ATP1B3: variants seen among roughly 807,000 people sequenced by gnomAD.
The protein encoded by ATP1B3 is ATPase Na+/K+ transporting subunit beta 3.
ATP1B3 carries 10 observed loss-of-function variants against 30.2 expected under a neutral mutation model. That is an observed-to-expected ratio of 0.33 (90% CI 0.20 to 0.56). ATP1B3 has a LOEUF of 0.56. ATP1B3 is among the 20% of genes least tolerant of loss of function. ATP1B3 has a pLI of 0.90. For synonymous variants in ATP1B3, 113 were observed against 117.0 expected (o/e 0.97, Z 0.22); for missense variants, 238 against 336.7 (o/e 0.71, Z 2.29).
chr3:141,904,152 A>C (rs1248297674), intron 2 of ATP1B3, among the ~76,000 whole-genome samples: 1 of 152,232 alleles, frequency 6.6e-6, no homozygotes, highest in Non-Finnish European at 1.5e-5. Context: ...TATATAGCAG[A>C]TAGAAGATAG....
chr3:141,913,055 T>C (rs1934393205), intron 3 of ATP1B3, among the ~76,000 whole-genome samples: 1 of 152,216 alleles, frequency 6.6e-6, no homozygotes, highest in Non-Finnish European at 1.5e-5. Flanking sequence ...AATTGATGTT[T>C]GGCAAAACAC....
Position 141,925,693 on chromosome 3 carries a change from C to G in ATP1B3, c.832C>G (p.Arg278Gly), listed in dbSNP as rs776768417. 1 of 1,610,762 alleles carries G rather than the reference C, an allele frequency of 6.2e-7. No individual in the cohort carries two copies. Among genetic ancestry groups the G allele is most frequent in the East Asian group, 2.2e-5 (1 of 44,890 alleles). The change falls in exon 7 of 7, where the codon CGT (arginine) becomes GGT (glycine). Residue 278 changes from arginine (R) to glycine (G), a missense_variant. Arg to Gly is a moderately radical substitution (Grantham distance 125). Coordinates refer to ENST00000286371, the MANE Select transcript of ATP1B3 (RefSeq NM_001679.4). ...ACGAGTTATGTTCAAAATCACAGCA[C>G]GTGCATAGTATGAGTAGGATATCTC... is the stretch of plus-strand genomic sequence containing the variant. ...LGRVMFKITA[R>G]A
chr3:141,895,262 C>T (rs1384349931), intron 1 of ATP1B3, among the ~76,000 whole-genome samples: 5 of 149,428 alleles, frequency 3.3e-5, no homozygotes, highest in South Asian at 2.1e-4. Context: ...GATCTCAGCT[C>T]GCTGCAACCT....
At chr3:141,919,147 A>G (rs968209605) in intron 5 of ATP1B3, 1 of 152,170 alleles carries the variant, frequency 6.6e-6, no homozygotes, top group Non-Finnish European at 1.5e-5. Flanking sequence ...CGTTCTTTAA[A>G]TTCTTTAGTT....
chr3:141,903,567 C>T (rs1934206612), intron 1 of ATP1B3, 53 bp from the exon 2 acceptor site: 1 of 1,603,686 alleles, frequency 6.2e-7, no homozygotes, highest in East Asian at 2.2e-5. Context: ...GCCAAACATG[C>T]ATACACACAC....
chr3:141,876,987 A>T (rs1418063001), intron 1 of ATP1B3, 77 bp downstream of exon 1: 3 of 1,145,454 alleles, frequency 2.6e-6, no homozygotes, highest in Non-Finnish European at 3.5e-6. Flanking sequence ...GGGAACGGAA[A>T]GGCGGGAGGC....
chr3:141,899,729 TGTG>T (rs1934126941), intron 1 of ATP1B3, among the ~76,000 whole-genome samples: 1 of 152,064 alleles, frequency 6.6e-6, no homozygotes, highest in Non-Finnish European at 1.5e-5. Context: ...ATTAGCCAGG[TGTG>T]GTGACACATG....
intron 5 of ATP1B3, among the ~76,000 whole-genome samples, chr3:141,917,196 C>T (rs562310118): frequency 1.3e-5 from 2 of 152,036 alleles, no homozygotes; most frequent in Non-Finnish European, 2.9e-5. Context: ...GATGCTGATG[C>T]TGCTGGTCTG....
chr3:141,915,788 C>T (rs555978909), intron 4 of ATP1B3, among the ~76,000 whole-genome samples, 182 bp from the exon 5 acceptor site: 1 of 152,134 alleles, frequency 6.6e-6, no homozygotes, highest in South Asian at 2.1e-4. Context: ...TATCTGATTG[C>T]TGAAGTTATT....
At chr3:141,886,686 C>G (rs180928346) in intron 1 of ATP1B3, among the ~76,000 whole-genome samples, 2 of 152,122 alleles carry the variant, frequency 1.3e-5, no homozygotes, top group African/African-American at 2.4e-5. Flanking sequence ...GATCTCTTAG[C>G]CTTGTTTCCT....
intron 1 of ATP1B3, among the ~76,000 whole-genome samples, chr3:141,892,611 C>T (rs1933975729): frequency 7.9e-6 from 1 of 126,270 alleles, no homozygotes. Flanking sequence ...AAGTGGAGAT[C>T]GAGCCACTGC....
At chr3:141,925,415 C>A in intron 6 of ATP1B3, 116 bp from the exon 7 acceptor site, 1 of 1,120,700 alleles carries the variant, frequency 8.9e-7, no homozygotes, top group Non-Finnish European at 1.3e-6. Context: ...CACCACTGCA[C>A]TGCAGCCTGG....
chr3:141,925,578 T>C lies in ATP1B3; in HGVS notation c.717T>C (p.Pro239=), dbSNP rs765584921. ...TTGCTGTTCAGGTCAGCTTTGCTCC[T>C]AACAACACTGGGAAAGAAGTAACAG... ...PLVAVQVSFA[P]NNTGKEVTVE... Residue 239 remains proline (P), a synonymous_variant, in exon 7 of 7, where the codon CCT becomes CCC. Transcript: ENST00000286371. 1.2e-6 allele frequency: 2 copies of C among 1,613,754 alleles called. No individual in the cohort carries two copies. The highest frequency in any genetic ancestry group is 1.7e-5 in the Admixed American group (1 of 59,972).
In ATP1B3 at chr3:141,906,018, GTAATACATATA is replaced by G. The variant is rs559941264; in HGVS notation, c.239-1143_239-1133del. ...CTTATTTAATATATCACATGTACAT[GTAATACATATA>G]TAATATGTATTTATGTGTTGTATAT... is the stretch of plus-strand genomic sequence containing the variant. On this transcript the variant is annotated intron_variant, in intron 2 of 6. Transcript: ENST00000286371. Among the ~76,000 whole-genome samples the G allele has an allele frequency of 4.5e-4, 67 of 147,664 alleles. 2 individuals are homozygous for G. In the South Asian group the frequency reaches 0.015, roughly 32 times the overall value.
intron 1 of ATP1B3, among the ~76,000 whole-genome samples, chr3:141,879,160 TA>T (rs1559863205): frequency 6.6e-6 from 1 of 152,228 alleles, no homozygotes; most frequent in Non-Finnish European, 1.5e-5. Context: ...ACATTTTTTT[TA>T]AAACAAAAGG....
intron 2 of ATP1B3, among the ~76,000 whole-genome samples, chr3:141,904,622 A>T (rs1378355247): frequency 6.6e-6 from 1 of 151,224 alleles, no homozygotes; most frequent in African/African-American, 2.4e-5. Context: ...AAAATTCATT[A>T]TACAGGAGAA....
intron 6 of ATP1B3, among the ~76,000 whole-genome samples, chr3:141,923,721 C>A (rs78765711): frequency 6.6e-6 from 1 of 152,272 alleles, no homozygotes; most frequent in South Asian, 2.1e-4. Flanking sequence ...ACTGTTAACA[C>A]GTTTAGCAAC....
intron 6 of ATP1B3, among the ~76,000 whole-genome samples, chr3:141,924,954 C>CA (rs1451561654): frequency 6.6e-6 from 1 of 151,036 alleles, no homozygotes; most frequent in Non-Finnish European, 1.5e-5. Context: ...CTCTGCCTCA[C>CA]AAAAAAATTA....
At chr3:141,886,293 G>A (rs948870345) in intron 1 of ATP1B3, among the ~76,000 whole-genome samples, 54 of 152,092 alleles carry the variant, frequency 3.6e-4, no homozygotes, top group African/African-American at 1.2e-3. Flanking sequence ...ACCCCTGTCT[G>A]TTCCTTCCCC....
Sources: gnomAD v4.1 joint callset for allele counts (sites outside exome capture counted in the v4.1 genomes callset) on GRCh38, gnomAD v4.1.1 for gene constraint, MANE v1.5 for transcripts, NCBI Gene and HGNC (gene_info 2026-07-23, HGNC 2026-07-21) for gene names.